SHISA9: variants seen among roughly 807,000 people sequenced by gnomAD.
The protein encoded by SHISA9 is shisa family member 9.
A neutral mutation model predicts 38.0 loss-of-function variants in SHISA9; 13 were observed. The ratio of observed to expected loss-of-function variants is 0.34; its 90% CI spans 0.22 to 0.54. The LOEUF (loss-of-function observed/expected upper bound fraction) is 0.54, where lower values mean the gene tolerates loss of function less well. SHISA9 is among the 20% of genes least tolerant of loss of function. The pLI is 0.91. For synonymous variants in SHISA9, 275 were observed against 242.0 expected (o/e 1.14, Z -1.27); for missense variants, 538 against 575.8 (o/e 0.93, Z 0.67).
At chr16:13,562,979 A>G in the SHISA9 span, 2 of 152,130 alleles carry the variant, frequency 1.3e-5, no homozygotes, top group Non-Finnish European at 1.5e-5. Context: ...TGGAACGTAA[A>G]GTGTTCTTTC....
rs1297827605 is a variant in SHISA9, at chr16:13,063,032, A to G, written c.692-140362A>G. Reference sequence around the variant, plus strand: ...TTTTTTTTTCTTTTTTTTGAGACGGAGTCTTGCTCTGTCACCCAGGCTGGA... The same window carrying G: ...TTTTTTTTTCTTTTTTTTGAGACGGGGTCTTGCTCTGTCACCCAGGCTGGA... On this transcript the variant is annotated intron_variant, in intron 2 of 4. Transcript: ENST00000558583. Among the ~76,000 whole-genome samples, 5 of 151,784 alleles carry G rather than the reference A, an allele frequency of 3.3e-5. No homozygotes were observed. In the East Asian group the frequency reaches 7.8e-4, roughly 24 times the overall value.
intron 2 of SHISA9, among the ~76,000 whole-genome samples, chr16:13,150,143 T>G (rs2050486318): frequency 6.6e-6 from 1 of 151,768 alleles, no homozygotes; most frequent in Non-Finnish European, 1.5e-5. Context: ...TCCTTTTTCC[T>G]TTGAATGCAG....
intron 1 of SHISA9, among the ~76,000 whole-genome samples, chr16:12,915,010 C>T (rs74397755): frequency 0.01 from 1,595 of 152,270 alleles, 34 homozygotes; most frequent in African/African-American, 0.036. Context: ...GCGTGGGTTG[C>T]CCCCAAACAG....
At chr16:13,121,945 G>C (rs893827116) in intron 2 of SHISA9, among the ~76,000 whole-genome samples, 1 of 150,324 alleles carries the variant, frequency 6.7e-6, no homozygotes, top group Non-Finnish European at 1.5e-5. Context: ...TTTCCTCTTC[G>C]ATAAAATGAT....
At chr16:12,972,721 G>A (rs2072100840) in intron 2 of SHISA9, among the ~76,000 whole-genome samples, 1 of 152,154 alleles carries the variant, frequency 6.6e-6, no homozygotes, top group Non-Finnish European at 1.5e-5. Context: ...ATTGCATGTA[G>A]CTATCGGCTA....
the SHISA9 span, among the ~76,000 whole-genome samples, chr16:13,314,741 G>A: frequency 6.6e-6 from 1 of 151,332 alleles, no homozygotes; most frequent in Non-Finnish European, 1.5e-5. Context: ...TTTTTTCTTT[G>A]TGGTGAGAAT....
the SHISA9 span, among the ~76,000 whole-genome samples, chr16:13,560,220 C>A: frequency 1.3e-5 from 2 of 152,338 alleles, no homozygotes; most frequent in African/African-American, 4.8e-5. Flanking sequence ...ATCTTCCCAA[C>A]ACAGCATTCA....
intron 2 of SHISA9, among the ~76,000 whole-genome samples, chr16:12,975,433 G>A (rs866312834): frequency 1.1e-4 from 16 of 152,036 alleles, no homozygotes; most frequent in African/African-American, 3.6e-4. Context: ...GAACCCAGAG[G>A]TGGAGGTTGC....
At chr16:13,373,814 GTT>G in the SHISA9 span, among the ~76,000 whole-genome samples, 1 of 151,418 alleles carries the variant, frequency 6.6e-6, no homozygotes, top group Non-Finnish European at 1.5e-5. Context: ...CCAAAAGGCT[GTT>G]GTGTGAATTA....
chr16:13,263,920 A>T, the SHISA9 span, among the ~76,000 whole-genome samples: 121 of 152,186 alleles, frequency 8.0e-4, no homozygotes, highest in African/African-American at 2.6e-3. Context: ...CAGATATGTA[A>T]AATAGAAAAA....
chr16:13,549,889 C>G, the SHISA9 span, among the ~76,000 whole-genome samples: 1 of 151,788 alleles, frequency 6.6e-6, no homozygotes, highest in African/African-American at 2.4e-5. Flanking sequence ...TGGGCATGGT[C>G]GTAAGCGCCT....
intron 2 of SHISA9, among the ~76,000 whole-genome samples, chr16:13,106,827 G>A (rs995870663): frequency 2.0e-5 from 3 of 152,174 alleles, no homozygotes; most frequent in African/African-American, 7.2e-5. Context: ...GCCACCAGGT[G>A]GGAAAGGATT....
intron 2 of SHISA9, among the ~76,000 whole-genome samples, chr16:13,186,860 T>A (rs2050829523): frequency 2.0e-5 from 3 of 152,198 alleles, no homozygotes. Context: ...TTAGCATAAA[T>A]AATGTTGTCA....
the SHISA9 span, among the ~76,000 whole-genome samples, chr16:13,499,086 T>C: frequency 6.6e-6 from 1 of 152,200 alleles, no homozygotes; most frequent in Non-Finnish European, 1.5e-5. Flanking sequence ...TGTACACTTC[T>C]GGGGTACAGT....
the SHISA9 span, among the ~76,000 whole-genome samples, chr16:13,518,083 A>C: frequency 2.0e-5 from 3 of 152,022 alleles, no homozygotes; most frequent in Non-Finnish European, 4.4e-5. Flanking sequence ...GACCTGTGAT[A>C]TGTCTCTCCC....
intron 2 of SHISA9, among the ~76,000 whole-genome samples, chr16:12,933,645 A>T (rs968407260): frequency 2.0e-5 from 3 of 152,220 alleles, no homozygotes; most frequent in Admixed American, 1.3e-4. Context: ...AGTTGATATA[A>T]CAAAGGGAAA....
the SHISA9 span, among the ~76,000 whole-genome samples, chr16:13,532,734 A>G: frequency 2.0e-5 from 3 of 152,090 alleles, no homozygotes; most frequent in Non-Finnish European, 4.4e-5. Flanking sequence ...GTTTCTTTCA[A>G]GGCCATGCCA....
chr16:13,514,228 C>T, the SHISA9 span, among the ~76,000 whole-genome samples: 194 of 151,932 alleles, frequency 1.3e-3, no homozygotes, highest in African/African-American at 4.4e-3. Flanking sequence ...CTCCTCACCT[C>T]GTGACCTGCC....
the SHISA9 span, among the ~76,000 whole-genome samples, chr16:13,315,034 G>A: frequency 7.6e-4 from 116 of 152,048 alleles, no homozygotes; most frequent in Middle Eastern, 6.8e-3. Flanking sequence ...CAGGATCCCA[G>A]TCCCGTTTGG....
Sources: allele counts gnomAD v4.1 joint callset (sites outside exome capture counted in the v4.1 genomes callset), GRCh38; gene constraint gnomAD v4.1.1; transcripts MANE v1.5; gene names NCBI Gene and HGNC (gene_info 2026-07-23, HGNC 2026-07-21).